The following BMI1 variants were observed in gnomAD, a reference collection of about 807,000 sequenced individuals.
BMI1 encodes the protein polycomb complex protein BMI-1.
BMI1 carries 9 observed loss-of-function variants against 39.1 expected under a neutral mutation model. The observed-to-expected ratio is 0.23, with a 90% confidence interval of 0.14 to 0.40. The LOEUF is 0.40. BMI1 is among the 10% of genes least tolerant of loss of function. The pLI is 1.00. For missense variants in BMI1, 252 were observed against 390.8 expected, an observed-to-expected ratio of 0.64 and a Z score of 2.99; for synonymous variants, 131 against 127.9, an observed-to-expected ratio of 1.02 and a Z score of -0.16.
Position 22,327,812 on chromosome 10 carries a change from G to C in BMI1, c.316+20G>C. 1 of 1,612,970 alleles carries C rather than the reference G, an allele frequency of 6.2e-7. No individual in the cohort carries two copies. The highest frequency in any genetic ancestry group is 1.7e-4 in the Middle Eastern group (1 of 6,056). On this transcript the variant is annotated intron_variant, in intron 5 of 9. Transcript: ENST00000376663. ...CTGATGGTAAACCTTTTAGGGGAGG[G>C]AAGACATTTTATATGGGGGGAGAGC...
intron 1 of BMI1, among the ~76,000 whole-genome samples, chr10:22,324,728 A>G (rs565282420): frequency 3.3e-5 from 5 of 152,222 alleles, no homozygotes; most frequent in Admixed American, 1.3e-4. Flanking sequence ...CATTCAAGGA[A>G]GATTTGAGAA....
chr10:22,329,752 G>T lies in BMI1; in HGVS notation c.*210G>T. On this transcript the variant is annotated 3_prime_UTR_variant, in exon 10 of 10. Transcript: ENST00000376663. ...GAAAGATTGTTGTTATAAAGAATTG[G>T]TTTCTTGGAAAGCAGGCAAGACTTT... 1 of 612,518 alleles carries T rather than the reference G, an allele frequency of 1.6e-6. No homozygotes were observed. The highest frequency in any genetic ancestry group is 2.7e-6 in the Non-Finnish European group (1 of 374,064). 37.9% of individuals were successfully genotyped at this position (612,518 alleles called of 1,614,324 possible).
chr10:22,326,521 C>T lies in BMI1; in HGVS notation c.72C>T (p.Tyr24=). Residue 24 remains tyrosine, a synonymous_variant, in exon 2 of 10, where the codon TAC becomes TAT. Coordinates refer to ENST00000376663, the MANE Select transcript of BMI1 (RefSeq NM_005180.9). The part of the protein sequence containing the change: ...PHLMCVLCGG[Y]FIDATTIIEC... The stretch of plus-strand genomic sequence containing the variant: ...TGATGTGTGTGCTTTGTGGAGGGTA[C>T]TTCATTGATGCCACAACCATAATAG... 1.2e-6 allele frequency: 2 copies of T among 1,611,914 alleles called. No individual in the cohort carries two copies. Among genetic ancestry groups the T allele is most frequent in the Non-Finnish European group, 1.7e-6 (2 of 1,179,156 alleles).
At chr10:22,326,368 T>A (rs1372293754) in intron 1 of BMI1, 63 bp from the exon 2 acceptor site, 52 of 1,594,446 alleles carry the variant, frequency 3.3e-5, no homozygotes, top group Non-Finnish European at 4.3e-5. Flanking sequence ...TCAGGGTTTG[T>A]GATTACTAGA....
intron 1 of BMI1, among the ~76,000 whole-genome samples, 156 bp downstream of exon 1, chr10:22,321,852 G>T (rs1439492943): frequency 2.8e-5 from 4 of 142,346 alleles, no homozygotes; most frequent in African/African-American, 1.0e-4. Context: ...CCCGCGCCCC[G>T]CGCCGCCCGC....
chr10:22,323,661 C>T (rs1309522536), intron 1 of BMI1, among the ~76,000 whole-genome samples: 1 of 152,212 alleles, frequency 6.6e-6, no homozygotes, highest in Admixed American at 6.5e-5. Flanking sequence ...TGTTTTCCTT[C>T]ATTTTGACAT....
chr10:22,321,159 C>A lies in BMI1; in HGVS notation c.-557C>A, dbSNP rs201869716. 1 of 149,256 alleles carries A rather than the reference C, an allele frequency of 6.7e-6. No homozygotes were observed. The highest frequency in any genetic ancestry group is 1.5e-5 in the Non-Finnish European group (1 of 66,794). The allele number at this position is 149,256 out of a possible 1,614,324, so 9.2% of individuals were successfully genotyped here. A position where few individuals can be genotyped will look rare whatever the true frequency, so the allele number is the denominator to read the frequency against. On this transcript the variant is annotated 5_prime_UTR_variant, in exon 1 of 10. Transcript: ENST00000376663. ...CACCCTCCCCTCCCCCTCCTCCCCT[C>A]CCCCCGCTCGCACGCACACACACGG...
At chr10:22,328,564 T>C in intron 7 of BMI1, 36 bp from the exon 8 acceptor site, 1 of 1,572,248 alleles carries the variant, frequency 6.4e-7, no homozygotes, top group Non-Finnish European at 8.6e-7. Flanking sequence ...TATCTTAAAG[T>C]AACTGAAAAA....
At position 22,328,967 on chromosome 10, in the gene BMI1, A is replaced by C. The variant is rs760487741; in HGVS notation, c.571-81A>C. 4 of 1,370,582 alleles carry C rather than the reference A, an allele frequency of 2.9e-6. No individual in the cohort carries two copies. The African/African-American group carries it at 4.4e-5, about 15-fold the overall frequency. The allele number at this position is 1,370,582 out of a possible 1,614,324, so 84.9% of individuals were successfully genotyped here. ...GTTTGGAGAATATGTTTCTTAAAGC[A>C]CTTTTGGATTATATTTAAATGACAA... is the stretch of plus-strand genomic sequence containing the variant. On this transcript the variant is annotated intron_variant, in intron 8 of 9. Coordinates refer to ENST00000376663, the MANE Select transcript of BMI1 (RefSeq NM_005180.9).
Position 22,329,286 on chromosome 10 carries a change from G to C in BMI1, c.725G>C (p.Gly242Ala). 6.2e-7 allele frequency: 1 copy of C among 1,614,172 alleles called. No individual in the cohort carries two copies. The highest frequency in any genetic ancestry group is 2.2e-5 in the East Asian group (1 of 44,886). ...KRMKISHQRD[G>A]LTNAGELESD... ...ATGAAGATCAGTCACCAGAGAGATG[G>C]ACTGACAAATGCTGGAGAACTGGAA... is the stretch of plus-strand genomic sequence containing the variant. Residue 242 changes from glycine (G) to alanine (A), a missense_variant, in exon 10 of 10, where the codon GGA (glycine) becomes GCA (alanine). Physicochemically the swap from Gly to Ala is moderately conservative, Grantham distance 60. This residue lies in a region of BMI1 where 96 missense variants were observed against 120.2 expected (regional missense o/e 0.80). Transcript: ENST00000376663.
At position 22,323,383 on chromosome 10, in the gene BMI1, T is replaced by G. The variant is rs72814834; in HGVS notation, c.-20+1687T>G. ...CTAGTAAAATATCTTTAAAGCCATA[T>G]ACAAGTCACTTTGTATGCATGTATA... On this transcript the variant is annotated intron_variant, in intron 1 of 9. Transcript: ENST00000376663. Among the ~76,000 whole-genome samples, 835 of 152,370 alleles carry G rather than the reference T, an allele frequency of 5.5e-3. 5 individuals are homozygous for G. The highest frequency in any genetic ancestry group is 8.4e-3 in the Non-Finnish European group (572 of 68,028).
intron 1 of BMI1, among the ~76,000 whole-genome samples, chr10:22,324,163 T>G (rs1836075608): frequency 6.6e-6 from 1 of 152,196 alleles, no homozygotes; most frequent in Non-Finnish European, 1.5e-5. Context: ...GTGGTGTTGG[T>G]TTTCTGCAAG....
chr10:22,328,941 T>C lies in BMI1; in HGVS notation c.571-107T>C, dbSNP rs909276400. On this transcript the variant is annotated intron_variant, in intron 8 of 9. Transcript: ENST00000376663. ...TTTCAGGAGTCTTTCTTTGTTAAAA[T>C]GTTTGGAGAATATGTTTCTTAAAGC... 4.1e-6 allele frequency: 5 copies of C among 1,219,440 alleles called. No individual in the cohort carries two copies. The African/African-American group carries it at 6.2e-5, about 15-fold the overall frequency. 75.5% of individuals were successfully genotyped at this position (1,219,440 alleles called of 1,614,324 possible).
rs983891130 is a variant in BMI1 at position 22,321,146 on chromosome 10, C to T, written c.-570C>T. 6.7e-6 allele frequency: 1 copy of T among 150,330 alleles called. No individual in the cohort carries two copies. The highest frequency in any genetic ancestry group is 1.5e-5 in the Non-Finnish European group (1 of 67,232). 9.3% of individuals were successfully genotyped at this position (150,330 alleles called of 1,614,324 possible). Reference sequence around the variant, plus strand: ...GTGCATTTTTTTCCACCCTCCCCTCCCCCTCCTCCCCTCCCCCCGCTCGCA... The same window carrying T: ...GTGCATTTTTTTCCACCCTCCCCTCTCCCTCCTCCCCTCCCCCCGCTCGCA... On this transcript the variant is annotated 5_prime_UTR_variant, in exon 1 of 10. Transcript: ENST00000376663.
chr10:22,331,445 A>G lies in BMI1; in HGVS notation c.*1903A>G, dbSNP rs1051620107. ...AGCCCATTGAAAGATGTATCTGTTT[A>G]TTTACAGTCTTTGAAGTAAAAGTTA... On this transcript the variant is annotated 3_prime_UTR_variant, in exon 10 of 10. Coordinates refer to ENST00000376663, the MANE Select transcript of BMI1 (RefSeq NM_005180.9). 1 of 152,138 alleles carries G rather than the reference A, an allele frequency of 6.6e-6. No individual in the cohort carries two copies. The highest frequency in any genetic ancestry group is 1.5e-5 in the Non-Finnish European group (1 of 67,970). 9.4% of individuals were successfully genotyped at this position (152,138 alleles called of 1,614,324 possible). A position where few individuals can be genotyped will look rare whatever the true frequency, so the allele number is the denominator to read the frequency against.
In BMI1 at chr10:22,330,110, G is replaced by C. The variant is rs563801575; in HGVS notation, c.*568G>C. 7.6e-4 allele frequency: 116 copies of C among 153,126 alleles called. No individual in the cohort carries two copies. The highest frequency in any genetic ancestry group is 1.4e-3 in the Non-Finnish European group (94 of 68,324). 9.5% of individuals were successfully genotyped at this position (153,126 alleles called of 1,614,324 possible). ...CTGTTGCTACGCAAAACCGATCAAA[G>C]AAAAGTGAACTTCAGTTTTACAATC... On this transcript the variant is annotated 3_prime_UTR_variant, in exon 10 of 10. Transcript: ENST00000376663.
intron 4 of BMI1, 28 bp from the exon 5 acceptor site, chr10:22,327,714 A>G (rs771007673): frequency 5.6e-6 from 9 of 1,613,244 alleles, no homozygotes; most frequent in Non-Finnish European, 7.6e-6. Context: ...TGTTATGCCA[A>G]ATGTTTACAT....
Position 22,327,969 on chromosome 10 carries a change from A to T in BMI1, c.336A>T (p.Glu112Asp). Residue 112 changes from glutamate (E) to aspartate (D), a missense_variant, in exon 6 of 10, where the codon GAA (glutamate) becomes GAT (aspartate). Around this residue, in one of 4 missense-constraint regions of BMI1, gnomAD observed 67 missense variants for 69.9 expected, o/e 0.96. Transcript: ENST00000376663. ...TTATAGCTGCCAATGGCTCTAATGA[A>T]GATAGAGGAGAGGTTGCAGATGAAG... ...PSADAANGSN[E>D]DRGEVADEDK... The T allele has an allele frequency of 6.2e-7, 1 of 1,607,442 alleles. No individual in the cohort carries two copies. The highest frequency in any genetic ancestry group is 2.2e-5 in the East Asian group (1 of 44,744).
At chr10:22,327,129 T>A in intron 3 of BMI1, 143 bp downstream of exon 3, 1 of 951,302 alleles carries the variant, frequency 1.1e-6, no homozygotes, top group Non-Finnish European at 1.5e-6. Flanking sequence ...GGTAGCCGTT[T>A]AATTTCTTGC....
Sources: allele counts gnomAD v4.1 joint callset (sites outside exome capture counted in the v4.1 genomes callset), GRCh38; gene constraint gnomAD v4.1.1; regional missense constraint gnomAD v4.1.1; transcripts MANE v1.5; gene names NCBI Gene and HGNC (gene_info 2026-07-23, HGNC 2026-07-21).